RBPMS: variants seen among roughly 807,000 people sequenced by gnomAD.
RBPMS encodes the protein RNA-binding protein with multiple splicing.
RBPMS carries 7 observed loss-of-function variants against 26.8 expected under a neutral mutation model. The observed-to-expected ratio is 0.26, with a 90% confidence interval of 0.15 to 0.49. The LOEUF (loss-of-function observed/expected upper bound fraction) is 0.49, where lower values mean the gene tolerates loss of function less well. RBPMS is among the 20% of genes least tolerant of loss of function. The pLI is 0.98. For missense variants in RBPMS, 186 were observed against 250.0 expected (o/e 0.74, Z 1.73); for synonymous variants, 96 against 93.3 (o/e 1.03, Z -0.17).
intron 5 of RBPMS, among the ~76,000 whole-genome samples, chr8:30,514,884 A>G (rs778987086): frequency 1.1e-4 from 16 of 151,968 alleles, no homozygotes; most frequent in Non-Finnish European, 2.2e-4. Context: ...AGATCCACAT[A>G]ACTCATTGAA....
chr8:30,552,272 C>G (rs1204975956), intron 6 of RBPMS: 2 of 152,146 alleles, frequency 1.3e-5, no homozygotes, highest in African/African-American at 4.8e-5. Flanking sequence ...TGAACTCTAA[C>G]TGCTTTGGAA....
At chr8:30,419,537 C>T (rs1441663154) in intron 1 of RBPMS, among the ~76,000 whole-genome samples, 1 of 151,394 alleles carries the variant, frequency 6.6e-6, no homozygotes, top group African/African-American at 2.4e-5. Context: ...AAATGCCCCA[C>T]AATCTGAAGC....
intron 5 of RBPMS, among the ~76,000 whole-genome samples, chr8:30,529,095 C>A (rs996094409): frequency 1.3e-5 from 2 of 151,928 alleles, no homozygotes; most frequent in Non-Finnish European, 2.9e-5. Flanking sequence ...TGGCATGCCC[C>A]TGTGGTCCCA....
chr8:30,418,608 T>C (rs1810374265), intron 1 of RBPMS, among the ~76,000 whole-genome samples: 1 of 152,168 alleles, frequency 6.6e-6, no homozygotes, highest in African/African-American at 2.4e-5. Flanking sequence ...AGGCAGGGTC[T>C]CACTCTGTCA....
intron 1 of RBPMS, chr8:30,446,843 G>GTGTGTGCA (rs1563326509): frequency 5.2e-5 from 3 of 57,868 alleles, no homozygotes; most frequent in African/African-American, 1.9e-4. Flanking sequence ...GTGTGTGTGT[G>GTGTGTGCA]CGCGCGCGCG....
chr8:30,560,324 C>G (rs1371351931), intron 7 of RBPMS, among the ~76,000 whole-genome samples: 1 of 152,076 alleles, frequency 6.6e-6, no homozygotes, highest in Non-Finnish European at 1.5e-5. Context: ...TCAGAAGACC[C>G]CTTCTGTGTT....
intron 1 of RBPMS, chr8:30,387,204 T>G (rs1317700725): frequency 6.6e-6 from 1 of 152,106 alleles, no homozygotes; most frequent in Non-Finnish European, 1.5e-5. Context: ...CGTAGGAAGA[T>G]TTCAGAACCC....
chr8:30,525,868 C>G (rs1001898), intron 5 of RBPMS, among the ~76,000 whole-genome samples: 28,799 of 152,230 alleles, frequency 0.19, 3,340 homozygotes, highest in Middle Eastern at 0.32. Flanking sequence ...GGCTTCCCAG[C>G]CCTAAGCTGC....
At chr8:30,532,520 G>T (rs1241521405) in intron 5 of RBPMS, among the ~76,000 whole-genome samples, 1 of 152,114 alleles carries the variant, frequency 6.6e-6, no homozygotes, top group African/African-American at 2.4e-5. Flanking sequence ...TGCATCGGAG[G>T]CTGGCAGAGA....
At chr8:30,499,876 GTGTGTGT>G in intron 4 of RBPMS, among the ~76,000 whole-genome samples, 1 of 6,116 alleles carries the variant, frequency 1.6e-4, no homozygotes, top group Admixed American at 5.3e-3. Flanking sequence ...GAAACTGTGT[GTGTGTGT>G]GTGTGTGTGT....
chr8:30,391,454 G>T (rs17625347), intron 1 of RBPMS, among the ~76,000 whole-genome samples: 8,104 of 152,294 alleles, frequency 0.053, 323 homozygotes, highest in South Asian at 0.1. Flanking sequence ...AACAGTGCTT[G>T]CTTTGGTCAA....
At position 30,558,916 on chromosome 8, in the gene RBPMS, T is replaced by G; in HGVS notation, c.558T>G (p.Thr186=). The G allele has an allele frequency of 1.9e-6, 3 of 1,614,188 alleles. No individual in the cohort carries two copies. The highest frequency in any genetic ancestry group is 1.7e-6 in the Non-Finnish European group (2 of 1,180,034). ...QMRWLPPSEA[T]SQGWKSRQFC ...GCTGGCTCCCTCCCTCCGAGGCTAC[T>G]TCTCAGGGCTGGAAGTCCCGTCAGT... Residue 186 remains threonine (T), a synonymous_variant, in exon 7 of 9, where the codon ACT becomes ACG. Transcript: ENST00000397323.
At chr8:30,537,887 G>GA (rs1478173127) in intron 5 of RBPMS, among the ~76,000 whole-genome samples, 1 of 152,210 alleles carries the variant, frequency 6.6e-6, no homozygotes, top group Admixed American at 6.5e-5. Flanking sequence ...CATGGGAAGT[G>GA]ATGGAGGCTT....
At chr8:30,530,585 C>T (rs1215470195) in intron 5 of RBPMS, among the ~76,000 whole-genome samples, 4 of 152,152 alleles carry the variant, frequency 2.6e-5, no homozygotes, top group South Asian at 2.1e-4. Flanking sequence ...GCCTCAGCCT[C>T]TCGAGTAGCT....
At chr8:30,469,595 T>G (rs1816868941) in intron 1 of RBPMS, among the ~76,000 whole-genome samples, 1 of 152,252 alleles carries the variant, frequency 6.6e-6, no homozygotes, top group Admixed American at 6.5e-5. Flanking sequence ...TCTCTTGAAC[T>G]TCTATGAGGC....
intron 5 of RBPMS, among the ~76,000 whole-genome samples, chr8:30,521,164 G>A (rs185149228): frequency 6.6e-6 from 1 of 152,334 alleles, no homozygotes; most frequent in East Asian, 1.9e-4. Flanking sequence ...GTGTGCCATT[G>A]ATGGAGCATT....
intron 4 of RBPMS, among the ~76,000 whole-genome samples, chr8:30,486,754 G>T (rs899584501): frequency 3.3e-5 from 5 of 152,228 alleles, no homozygotes; most frequent in Admixed American, 3.3e-4. Flanking sequence ...TCTCACACAT[G>T]AACCAGTGTA....
chr8:30,556,457 G>T, intron 6 of RBPMS: 3 of 985,890 alleles, frequency 3.0e-6, no homozygotes, highest in Non-Finnish European at 3.6e-6. Flanking sequence ...CACCTGCACC[G>T]AAAGCAGAAC....
chr8:30,462,080 T>TG (rs1341065120), intron 1 of RBPMS, among the ~76,000 whole-genome samples: 2 of 152,270 alleles, frequency 1.3e-5, no homozygotes, highest in Non-Finnish European at 2.9e-5. Context: ...TCTAATTTGT[T>TG]TAACCATTCA....
Sources: gnomAD v4.1 joint callset for allele counts (sites outside exome capture counted in the v4.1 genomes callset) on GRCh38, gnomAD v4.1.1 for gene constraint, MANE v1.5 for transcripts, NCBI Gene and HGNC (gene_info 2026-07-23, HGNC 2026-07-21) for gene names.